Variants in DNAH9 observed in about 807,000 individuals in gnomAD.
DNAH9 encodes the protein DNAH9 variant protein.
DNAH9 carries 345 observed loss-of-function variants against 471.6 expected under a neutral mutation model. The ratio of observed to expected loss-of-function variants is 0.73; its 90% CI spans 0.67 to 0.80. DNAH9 has a LOEUF of 0.80. DNAH9 is among the 30% of genes least tolerant of loss of function. DNAH9 has a pLI of 0.00. For synonymous variants in DNAH9, 2,093 were observed against 2,123.6 expected (o/e 0.99, Z 0.40); for missense variants, 5,407 against 5,609.2 (o/e 0.96, Z 1.15).
chr17:11,825,075 C>T (rs1365927698), intron 48 of DNAH9, among the ~76,000 whole-genome samples: 1 of 152,144 alleles, frequency 6.6e-6, no homozygotes, highest in African/African-American at 2.4e-5. Flanking sequence ...TGTGATACCC[C>T]TGTCTTTCCC....
At chr17:11,951,936 A>AAAAT (rs1434001815) in intron 67 of DNAH9, among the ~76,000 whole-genome samples, 2 of 151,848 alleles carry the variant, frequency 1.3e-5, no homozygotes, top group African/African-American at 4.8e-5. Flanking sequence ...AAAAAAAAAA[A>AAAAT]AAATTAATTA....
chr17:11,643,352 T>A (rs1372015606), intron 10 of DNAH9, among the ~76,000 whole-genome samples: 1 of 152,162 alleles, frequency 6.6e-6, no homozygotes. Flanking sequence ...GGAGGGACCC[T>A]CATGTAAAAA....
intron 60 of DNAH9, among the ~76,000 whole-genome samples, chr17:11,905,049 T>C (rs1002354639): frequency 6.6e-6 from 1 of 151,736 alleles, no homozygotes; most frequent in African/African-American, 2.4e-5. Context: ...CTGGCCAACA[T>C]GGTGAAACCC....
intron 17 of DNAH9, among the ~76,000 whole-genome samples, chr17:11,670,541 G>A (rs1395455038): frequency 6.6e-6 from 1 of 152,134 alleles, no homozygotes. Flanking sequence ...TCAGTTTAGT[G>A]CTGGTTTTGC....
At chr17:11,674,905 G>A (rs1044752212) in intron 17 of DNAH9, among the ~76,000 whole-genome samples, 4 of 152,190 alleles carry the variant, frequency 2.6e-5, no homozygotes, top group African/African-American at 9.6e-5. Context: ...CTCTATATCT[G>A]GCAGGGCAGG....
chr17:11,613,599 G>A (rs774537855), intron 4 of DNAH9, among the ~76,000 whole-genome samples: 6 of 152,130 alleles, frequency 3.9e-5, no homozygotes, highest in Non-Finnish European at 7.3e-5. Context: ...CCGAGACTCC[G>A]TCTAAAATTT....
At chr17:11,642,695 GC>G (rs1220821155) in intron 10 of DNAH9, among the ~76,000 whole-genome samples, 1 of 152,168 alleles carries the variant, frequency 6.6e-6, no homozygotes, top group Non-Finnish European at 1.5e-5. Flanking sequence ...TCGGCCACAC[GC>G]CCACGTGAGA....
rs150023546 is a variant in DNAH9, at chr17:11,727,893, G to T, written c.5785G>T (p.Val1929Leu). ...GCFDEFNRIS[V>L]EVLSVVAVQV... The stretch of plus-strand genomic sequence containing the variant: ...CTTTGATGAGTTTAATCGAATCTCC[G>T]TGGAGGTCTTGTCAGTGGTGGCAGT... Residue 1929 changes from valine (V) to leucine (L), a missense_variant, in exon 28 of 69, where the codon GTG (valine) becomes TTG (leucine). Around this residue, in one of 3 missense-constraint regions of DNAH9, gnomAD observed 4,636 missense variants for 4,900.3 expected, o/e 0.95. Coordinates refer to ENST00000262442, the MANE Select transcript of DNAH9 (RefSeq NM_001372.4). 8.1e-6 allele frequency: 13 copies of T among 1,614,060 alleles called. No individual in the cohort carries two copies. In the African/African-American group the frequency reaches 1.7e-4, roughly 22 times the overall value.
intron 8 of DNAH9, among the ~76,000 whole-genome samples, chr17:11,634,124 T>A (rs898704352): frequency 6.6e-6 from 1 of 152,108 alleles, no homozygotes; most frequent in Admixed American, 6.6e-5. Flanking sequence ...TTCAGAGGGC[T>A]CATAAAAGCA....
intron 67 of DNAH9, among the ~76,000 whole-genome samples, chr17:11,947,772 A>T (rs1243408631): frequency 0.011 from 1,204 of 107,860 alleles, 36 homozygotes; most frequent in African/African-American, 0.038. Context: ...GCTGGGAACT[A>T]TTTTTTTTTT....
intron 45 of DNAH9, among the ~76,000 whole-genome samples, chr17:11,821,302 AAAAAATC>A (rs1325211153): frequency 1.3e-5 from 2 of 151,906 alleles, no homozygotes; most frequent in Admixed American, 6.6e-5. Flanking sequence ...AAAAAAAAAA[AAAAAATC>A]AACATCTAAC....
intron 42 of DNAH9, among the ~76,000 whole-genome samples, chr17:11,797,323 A>G (rs1331629064): frequency 6.6e-6 from 1 of 151,862 alleles, no homozygotes; most frequent in Admixed American, 6.6e-5. Flanking sequence ...TCACAGAAGC[A>G]CTCTCTTACC....
chr17:11,743,932 T>C (rs7216840), intron 30 of DNAH9, among the ~76,000 whole-genome samples: 143,878 of 151,502 alleles, frequency 0.95, 68,739 homozygotes, highest in East Asian at 1. Context: ...CAGGTTGAAG[T>C]GATTCTCCTG....
At chr17:11,761,911 G>GT (rs1378334957) in intron 35 of DNAH9, among the ~76,000 whole-genome samples, 1 of 152,044 alleles carries the variant, frequency 6.6e-6, no homozygotes, top group African/African-American at 2.4e-5. Context: ...AGAAGCCAGG[G>GT]TTGCAAAACC....
intron 43 of DNAH9, among the ~76,000 whole-genome samples, chr17:11,802,385 T>C (rs895354095): frequency 3.3e-5 from 5 of 152,220 alleles, no homozygotes; most frequent in Non-Finnish European, 7.4e-5. Flanking sequence ...CCCAGCACTT[T>C]GGGAGACCAA....
At chr17:11,886,130 C>T (rs1972869933) in intron 56 of DNAH9, among the ~76,000 whole-genome samples, 2 of 152,104 alleles carry the variant, frequency 1.3e-5, no homozygotes, top group African/African-American at 4.8e-5. Context: ...CGAGACTAGC[C>T]TGGCCAACAT....
At chr17:11,724,319 A>G (rs1299959072) in intron 27 of DNAH9, among the ~76,000 whole-genome samples, 1 of 152,102 alleles carries the variant, frequency 6.6e-6, no homozygotes, top group Non-Finnish European at 1.5e-5. Context: ...GTACCCATTA[A>G]CCAACTTCTC....
At chr17:11,720,946 C>T (rs1346107639) in intron 27 of DNAH9, among the ~76,000 whole-genome samples, 4 of 152,136 alleles carry the variant, frequency 2.6e-5, no homozygotes, top group African/African-American at 7.2e-5. Context: ...ATGACCTCAG[C>T]CTTAGGGATA....
intron 50 of DNAH9, among the ~76,000 whole-genome samples, chr17:11,858,975 T>C (rs755413967): frequency 1.3e-5 from 2 of 150,558 alleles, no homozygotes; most frequent in Non-Finnish European, 2.9e-5. Flanking sequence ...TCTCAGCTAC[T>C]TGGGAGGCTG....
Sources: gnomAD v4.1 joint callset for allele counts (sites outside exome capture counted in the v4.1 genomes callset) on GRCh38, gnomAD v4.1.1 for gene constraint, gnomAD v4.1.1 regional missense constraint, MANE v1.5 for transcripts, NCBI Gene and HGNC (gene_info 2026-07-23, HGNC 2026-07-21) for gene names.